Variants in PLCG2 observed in about 807,000 individuals in gnomAD.
The protein encoded by PLCG2 is 1-phosphatidylinositol 4,5-bisphosphate phosphodiesterase gamma-2.
Under a neutral mutation model 175.6 loss-of-function variants are expected in PLCG2, and 69 were observed. The ratio of observed to expected loss-of-function variants is 0.39; its 90% CI spans 0.32 to 0.48. The LOEUF (loss-of-function observed/expected upper bound fraction) is 0.48, where lower values mean the gene tolerates loss of function less well. Among genes scored for constraint, PLCG2 ranks in the 20% least tolerant of loss-of-function variants. The pLI is 0.91. For missense variants in PLCG2, 1,798 were observed against 1,650.9 expected, an observed-to-expected ratio of 1.09 and a Z score of -1.54; for synonymous variants, 827 against 624.0, an observed-to-expected ratio of 1.33 and a Z score of -4.85.
upstream of PLCG2, among the ~76,000 whole-genome samples, chr16:81,776,083 C>CGTTCTTTCTTTCTTTCTTTCTTTCTTTCT (rs1413572575): frequency 1.2e-5 from 1 of 81,848 alleles, no homozygotes. Context: ...TTCTCTCTCT[C>CGTTCTTTCTTTCTTTCTTTCTTTCTTTCT]TCTCTCTTTC....
At chr16:81,927,055 G>T (rs751823035) in intron 22 of PLCG2, 27 bp from the exon 23 acceptor site, 22 of 1,481,120 alleles carry the variant, frequency 1.5e-5, no homozygotes, top group Non-Finnish European at 2.0e-5. Flanking sequence ...TGGTGACAGC[G>T]CCCCCATGTC....
At chr16:81,757,572 A>G (rs1909955191) in intron 2 of PLCG2, among the ~76,000 whole-genome samples, 1 of 152,150 alleles carries the variant, frequency 6.6e-6, no homozygotes, top group Non-Finnish European at 1.5e-5. Flanking sequence ...TCAAAAAAGA[A>G]AAAAGACAAG....
At chr16:81,929,291 C>A (rs1346286766) in intron 24 of PLCG2, among the ~76,000 whole-genome samples, 3 of 152,230 alleles carry the variant, frequency 2.0e-5, no homozygotes, top group African/African-American at 4.8e-5. Flanking sequence ...CAGCCCATGA[C>A]CCTCCCTGGG....
At chr16:81,911,029 A>G (rs1203944277) in intron 18 of PLCG2, among the ~76,000 whole-genome samples, 2 of 151,814 alleles carry the variant, frequency 1.3e-5, no homozygotes, top group Non-Finnish European at 2.9e-5. Flanking sequence ...CTTACCTTTC[A>G]GAGCTCCTTC....
At chr16:81,942,682 G>C (rs1315051586) in intron 30 of PLCG2, among the ~76,000 whole-genome samples, 1 of 152,054 alleles carries the variant, frequency 6.6e-6, no homozygotes, top group African/African-American at 2.4e-5. Flanking sequence ...TTAAAATTCT[G>C]AGCACTTTGA....
chr16:81,877,803 G>C (rs934923286), intron 7 of PLCG2, among the ~76,000 whole-genome samples: 1 of 150,158 alleles, frequency 6.7e-6, no homozygotes, highest in African/African-American at 2.5e-5. Flanking sequence ...AGATGTCATT[G>C]CATCGCTCCT....
Position 81,752,315 on chromosome 16 carries a change from C to G in PLCG2, c.-144-3555C>G, listed in dbSNP as rs76747800. On this transcript the variant is annotated intron_variant, in intron 1 of 5. Coordinates refer to the PLCG2 transcript ENST00000565054. ...CAGGTGGAAGGTTCCAAGAAGCACC[C>G]GGCCAGCTCTGAGAAGTACCCGGCC... Among the ~76,000 whole-genome samples, 16 of 152,234 alleles carry G rather than the reference C, an allele frequency of 1.1e-4. No homozygotes were observed. The East Asian group carries it at 3.1e-3, about 29-fold the overall frequency.
intron 2 of PLCG2, among the ~76,000 whole-genome samples, chr16:81,788,250 C>T (rs1329907189): frequency 6.6e-6 from 1 of 152,074 alleles, no homozygotes; most frequent in Admixed American, 6.6e-5. Flanking sequence ...AGGACAGCTT[C>T]CTGAAGGTTT....
At chr16:81,815,483 G>A (rs1465294654) in intron 2 of PLCG2, among the ~76,000 whole-genome samples, 1 of 152,210 alleles carries the variant, frequency 6.6e-6, no homozygotes, top group Non-Finnish European at 1.5e-5. Context: ...TTCCTCATTT[G>A]CATCTTTAAC....
In PLCG2 at chr16:81,741,805, C is replaced by CA. The variant is rs541364004; in HGVS notation, c.-145+2430dup. On this transcript the variant is annotated intron_variant, in intron 1 of 5. Transcript: ENST00000565054. The stretch of plus-strand genomic sequence containing the variant: ...TAGCCTGGGCGAAGAGAGACTGTCT[C>CA]AAAAAAAAAATGTATAATGATCAAA... 4.7e-3 allele frequency among the ~76,000 whole-genome samples: 698 copies of CA among 148,296 alleles called. 8 individuals carry two copies. Among genetic ancestry groups the CA allele is most frequent in the African/African-American group, 0.014 (582 of 40,378 alleles).
At chr16:81,774,177 CAAAAAAA>C (rs57503150) in intron 2 of PLCG2, among the ~76,000 whole-genome samples, 5 of 40,532 alleles carry the variant, frequency 1.2e-4, no homozygotes, top group Non-Finnish European at 1.2e-4. Flanking sequence ...ACTAAAAATA[CAAAAAAA>C]AAAAAAAAAA....
intron 10 of PLCG2, among the ~76,000 whole-genome samples, chr16:81,889,964 GT>G (rs544507217): frequency 4.0e-5 from 6 of 151,122 alleles, no homozygotes; most frequent in East Asian, 1.9e-4. Flanking sequence ...GGAGGCTAGG[GT>G]TTTTTTTTAA....
At position 81,931,600 on chromosome 16, in the gene PLCG2, G is replaced by A. The variant is rs764416980; in HGVS notation, c.2685G>A (p.Glu895=). The change falls in exon 25 of 33, where the codon GAG becomes GAA. Residue 895 remains glutamate, a synonymous_variant. Transcript: ENST00000564138. ...PVEFATDRVE[E]LFEWFQSIRE... ...AGTTTGCCACAGACAGGGTGGAGGA[G>A]CTCTTTGAGTGGTTTCAGAGCATCC... The A allele has an allele frequency of 6.2e-7, 1 of 1,614,100 alleles. No individual in the cohort carries two copies. The highest frequency in any genetic ancestry group is 8.5e-7 in the Non-Finnish European group (1 of 1,179,970).
intron 2 of PLCG2, among the ~76,000 whole-genome samples, chr16:81,773,181 A>G (rs1256102605): frequency 2.0e-5 from 3 of 152,104 alleles, no homozygotes; most frequent in East Asian, 1.9e-4. Flanking sequence ...GGGCGTTGGG[A>G]AAAGGTGTAC....
At chr16:81,776,101 T>TTTTTTTTCTTTCTTTCTTTCTTTCTTTC (rs1910398191), upstream of PLCG2, among the ~76,000 whole-genome samples, 2 of 55,364 alleles carry the variant, frequency 3.6e-5, no homozygotes, top group South Asian at 7.7e-4. Flanking sequence ...TTCTTTCTTT[T>TTTTTTTTCTTTCTTTCTTTCTTTCTTTC]TTTCCTTCTT....
chr16:81,940,882 G>A (rs924579491), intron 30 of PLCG2, among the ~76,000 whole-genome samples: 1 of 152,160 alleles, frequency 6.6e-6, no homozygotes, highest in Non-Finnish European at 1.5e-5. Flanking sequence ...TGACAAATAG[G>A]CCCTTGCTGG....
intron 2 of PLCG2, among the ~76,000 whole-genome samples, chr16:81,793,665 C>G (rs1237634139): frequency 1.3e-5 from 2 of 152,180 alleles, no homozygotes. Context: ...TCTTGGGGTT[C>G]CCACTTAATA....
intron 2 of PLCG2, among the ~76,000 whole-genome samples, chr16:81,805,063 A>T (rs1340561816): frequency 6.6e-6 from 1 of 152,222 alleles, no homozygotes; most frequent in Non-Finnish European, 1.5e-5. Context: ...CAGAGGAACA[A>T]CATCAGACAC....
intron 2 of PLCG2, among the ~76,000 whole-genome samples, chr16:81,826,688 C>T (rs1404091981): frequency 4.6e-5 from 7 of 152,096 alleles, no homozygotes; most frequent in Non-Finnish European, 7.3e-5. Flanking sequence ...CTGTCCTTGG[C>T]GCTTTAAAAA....
Sources: gnomAD v4.1 joint callset for allele counts (sites outside exome capture counted in the v4.1 genomes callset) on GRCh38, gnomAD v4.1.1 for gene constraint, MANE v1.5 for transcripts, NCBI Gene and HGNC (gene_info 2026-07-23, HGNC 2026-07-21) for gene names.